LIMK1: variants seen among roughly 807,000 people sequenced by gnomAD.
The protein encoded by LIMK1 is LIM motif-containing protein kinase.
LIMK1 carries 21 observed loss-of-function variants against 77.6 expected under a neutral mutation model. That is an observed-to-expected ratio of 0.27 (90% confidence interval 0.19 to 0.39). The LOEUF (loss-of-function observed/expected upper bound fraction) is 0.39, where lower values mean the gene tolerates loss of function less well. Among genes scored for constraint, LIMK1 ranks in the 10% least tolerant of loss-of-function variants. LIMK1 has a pLI of 1.00. For synonymous variants in LIMK1, 358 were observed against 370.0 expected (o/e 0.97, Z 0.37); for missense variants, 696 against 901.6 (o/e 0.77, Z 2.92).
chr7:74,097,175 C>T lies in LIMK1; in HGVS notation c.387C>T (p.His129=), dbSNP rs1194984152. The T allele has an allele frequency of 6.2e-7, 1 of 1,610,216 alleles. No individual in the cohort carries two copies. Among genetic ancestry groups the T allele is most frequent in the Non-Finnish European group, 8.5e-7 (1 of 1,178,508 alleles). ...GGGACACCTACACGCTGGTGGAGCA[C>T]TCCAAGCTGTACTGGTGAGTGCCTT... is the stretch of plus-strand genomic sequence containing the variant. ...GDGDTYTLVE[H]SKLYCGHCYY... The change falls in exon 4 of 16, where the codon CAC becomes CAT. Residue 129 remains histidine (H), a synonymous_variant. Transcript: ENST00000336180.
intron 5 of LIMK1, among the ~76,000 whole-genome samples, chr7:74,101,568 C>T (rs565808993): frequency 3.9e-5 from 6 of 152,302 alleles, no homozygotes; most frequent in African/African-American, 1.4e-4. Flanking sequence ...ACTGGGTAAG[C>T]ATTCGCCCAG....
At chr7:74,107,216 AG>A in intron 8 of LIMK1, 23 bp downstream of exon 8, 4 of 1,588,320 alleles carry the variant, frequency 2.5e-6, no homozygotes, top group Non-Finnish European at 3.4e-6. Context: ...CCAGGGTCTC[AG>A]GGGACAGTCT....
intron 1 of LIMK1, 27 bp from the exon 2 acceptor site, chr7:74,085,721 C>T: frequency 6.5e-7 from 1 of 1,541,780 alleles, no homozygotes; most frequent in East Asian, 2.4e-5. Flanking sequence ...CCTGAGAATG[C>T]TTCCCAACTC....
In LIMK1 at chr7:74,111,723, G is replaced by A; in HGVS notation, c.1344+16G>A. On this transcript the variant is annotated intron_variant, in intron 11 of 15. Transcript: ENST00000336180. ...ATCAGGGATGGTGAGTGAGCCGGGT[G>A]CTCTAGCTCCATTCATAATCCCACC... The A allele has an allele frequency of 6.2e-7, 1 of 1,610,232 alleles. No individual in the cohort carries two copies. The highest frequency in any genetic ancestry group is 8.5e-7 in the Non-Finnish European group (1 of 1,177,734).
At chr7:74,115,111 G>A (rs1471949695) in intron 12 of LIMK1, among the ~76,000 whole-genome samples, 2 of 151,374 alleles carry the variant, frequency 1.3e-5, no homozygotes, top group Admixed American at 6.6e-5. Flanking sequence ...CCAAGCACAG[G>A]ACCTGGGTCT....
At position 74,121,430 on chromosome 7, in the gene LIMK1, T is replaced by C. The variant is rs569869651; in HGVS notation, c.*129T>C. The stretch of plus-strand genomic sequence containing the variant: ...TTCTCCTCAGAGCCAGGCCCTGACT[T>C]GCCTTCTCCCACCCCGTGGACCGCT... On this transcript the variant is annotated 3_prime_UTR_variant, in exon 16 of 16. Transcript: ENST00000336180. 264 of 980,022 alleles carry C rather than the reference T, an allele frequency of 2.7e-4. 1 individual carries two copies. The South Asian group carries it at 4.3e-3, about 16-fold the overall frequency. 60.7% of individuals were successfully genotyped at this position (980,022 alleles called of 1,614,324 possible).
At chr7:74,093,841 C>T (rs1241308954) in intron 2 of LIMK1, 2 of 153,260 alleles carry the variant, frequency 1.3e-5, no homozygotes, top group African/African-American at 2.4e-5. Context: ...GTCAGGCACT[C>T]TGTGTGGGGC....
chr7:74,112,561 TCCCA>T (rs1254595864), intron 12 of LIMK1, among the ~76,000 whole-genome samples: 1 of 151,902 alleles, frequency 6.6e-6, no homozygotes, highest in African/African-American at 2.4e-5. Flanking sequence ...ACACCTACAA[TCCCA>T]ACACTTTGGG....
chr7:74,106,016 A>G, intron 6 of LIMK1, 36 bp downstream of exon 6: 1 of 1,609,942 alleles, frequency 6.2e-7, no homozygotes, highest in Non-Finnish European at 8.5e-7. Context: ...GACGGGAGGT[A>G]GTGCCTTCAT....
intron 5 of LIMK1, among the ~76,000 whole-genome samples, chr7:74,099,773 A>G (rs140786546): frequency 6.6e-6 from 1 of 152,006 alleles, no homozygotes; most frequent in African/African-American, 2.4e-5. Flanking sequence ...ATAAAAAGAC[A>G]TTTTCTTTAG....
At chr7:74,109,740 G>C (rs1271612572) in intron 10 of LIMK1, 1 of 152,734 alleles carries the variant, frequency 6.5e-6, no homozygotes, top group Non-Finnish European at 1.5e-5. Context: ...AGCTACTCGG[G>C]AGACTGAAGC....
At chr7:74,109,100 G>A (rs1391538981) in intron 10 of LIMK1, 64 bp downstream of exon 10, 4 of 1,305,190 alleles carry the variant, frequency 3.1e-6, no homozygotes, top group Non-Finnish European at 4.3e-6. Context: ...CTCCCTCTGT[G>A]AGCCTCAGTC....
At chr7:74,107,263 T>C (rs1799596453) in intron 8 of LIMK1, 70 bp downstream of exon 8, 2 of 1,476,974 alleles carry the variant, frequency 1.4e-6, no homozygotes, top group Admixed American at 2.0e-5. Context: ...CTTCCCAGTC[T>C]ATGGAAACAC....
At chr7:74,085,654 A>G (rs1365149230) in intron 1 of LIMK1, 94 bp from the exon 2 acceptor site, 3 of 920,398 alleles carry the variant, frequency 3.3e-6, no homozygotes, top group Non-Finnish European at 5.1e-6. Context: ...GGATTGGTGC[A>G]GGTGTAGGTA....
chr7:74,111,396 C>T (rs1799695376), intron 10 of LIMK1: 1 of 505,752 alleles, frequency 2.0e-6, no homozygotes, highest in Non-Finnish European at 3.6e-6. Context: ...TGAGATGGTA[C>T]CACTGCACTC....
chr7:74,102,502 T>TTTTTTTTTTTTTTTTTTTTTTTTTTTTTA (rs1554696743), intron 5 of LIMK1, among the ~76,000 whole-genome samples: 1 of 141,690 alleles, frequency 7.1e-6, no homozygotes, highest in African/African-American at 2.6e-5. Flanking sequence ...TTTTTTTTTT[T>TTTTTTTTTTTTTTTTTTTTTTTTTTTTTA]GGAGACAGGG....
chr7:74,095,314 G>A (rs1057449091), intron 2 of LIMK1, among the ~76,000 whole-genome samples: 15 of 152,202 alleles, frequency 9.9e-5, no homozygotes, highest in African/African-American at 2.9e-4. Flanking sequence ...CCTGTTCTCT[G>A]TGTGGGTCTG....
At chr7:74,103,949 A>T (rs1799517743) in intron 5 of LIMK1, among the ~76,000 whole-genome samples, 1 of 151,848 alleles carries the variant, frequency 6.6e-6, no homozygotes, top group Admixed American at 6.6e-5. Flanking sequence ...CAGCACCACC[A>T]TGCCTGGCTA....
chr7:74,106,105 G>T lies in LIMK1; in HGVS notation c.743G>T (p.Arg248Leu). The change falls in exon 7 of 16, where the codon CGC (arginine) becomes CTC (leucine). Residue 248 changes from arginine (R) to leucine (L), a missense_variant. By Grantham distance (102) the Arg-to-Leu change is moderately radical (BLOSUM62 -2). Transcript: ENST00000336180. ...EIDLLIQETS[R>L]LLQLTLEHDP... Reference sequence around the variant, plus strand: ...GACCTGCTGATTCAGGAAACCAGCCGCCTGCTCCAGCTGACCCTCGAGCAT... The same window carrying T: ...GACCTGCTGATTCAGGAAACCAGCCTCCTGCTCCAGCTGACCCTCGAGCAT... 6.2e-7 allele frequency: 1 copy of T among 1,614,018 alleles called. No individual in the cohort carries two copies. The highest frequency in any genetic ancestry group is 1.6e-4 in the Middle Eastern group (1 of 6,062).
Sources: gnomAD v4.1 joint callset for allele counts (sites outside exome capture counted in the v4.1 genomes callset) on GRCh38, gnomAD v4.1.1 for gene constraint, MANE v1.5 for transcripts, NCBI Gene and HGNC (gene_info 2026-07-23, HGNC 2026-07-21) for gene names.